The following CNTNAP2 variants were observed in gnomAD, a reference collection of about 807,000 sequenced individuals.
CNTNAP2 encodes the protein contactin associated protein 2, also known as contactin-associated protein-like 2.
A neutral mutation model predicts 155.2 loss-of-function variants in CNTNAP2; 98 were observed. The observed-to-expected ratio is 0.63, with a 90% CI of 0.54 to 0.75. CNTNAP2 has a LOEUF of 0.75. Among genes scored for constraint, CNTNAP2 ranks in the 30% least tolerant of loss-of-function variants. CNTNAP2 has a pLI of 0.00. For synonymous variants in CNTNAP2, 651 were observed against 631.2 expected (o/e 1.03, Z -0.47); for missense variants, 1,727 against 1,688.1 (o/e 1.02, Z -0.40).
chr7:146,545,586 G>A (rs779158675), intron 1 of CNTNAP2, among the ~76,000 whole-genome samples: 2 of 151,770 alleles, frequency 1.3e-5, no homozygotes, highest in Non-Finnish European at 2.9e-5. Context: ...GTGAGAACAC[G>A]CGGTGTTTGG....
chr7:146,990,294 A>G (rs867945810), intron 3 of CNTNAP2, among the ~76,000 whole-genome samples: 1 of 152,168 alleles, frequency 6.6e-6, no homozygotes, highest in South Asian at 2.1e-4. Context: ...GCTATGAGGT[A>G]TACACATGGA....
chr7:147,614,903 A>C (rs957208881), intron 12 of CNTNAP2, among the ~76,000 whole-genome samples: 1 of 151,806 alleles, frequency 6.6e-6, no homozygotes, highest in African/African-American at 2.4e-5. Flanking sequence ...ACATTAAACT[A>C]TCTTAGTCTA....
intron 1 of CNTNAP2, among the ~76,000 whole-genome samples, chr7:146,530,403 T>C (rs1319921224): frequency 6.6e-6 from 1 of 152,000 alleles, no homozygotes. Flanking sequence ...ACTAAAGATC[T>C]TTTATTCAGG....
At chr7:147,325,908 C>T (rs968525752) in intron 9 of CNTNAP2, among the ~76,000 whole-genome samples, 1 of 152,070 alleles carries the variant, frequency 6.6e-6, no homozygotes, top group Non-Finnish European at 1.5e-5. Context: ...CCTCCAGCCT[C>T]CACTAACCAG....
At chr7:147,287,843 T>C (rs1009633686) in intron 8 of CNTNAP2, among the ~76,000 whole-genome samples, 2 of 152,094 alleles carry the variant, frequency 1.3e-5, no homozygotes, top group Admixed American at 1.3e-4. Context: ...GACCCACCAG[T>C]TGTGCTTCCA....
chr7:147,560,658 A>G (rs534408461), intron 11 of CNTNAP2, among the ~76,000 whole-genome samples: 2 of 152,076 alleles, frequency 1.3e-5, no homozygotes, highest in East Asian at 3.9e-4. Flanking sequence ...AAGGTCTTCT[A>G]TCCGTGTTGT....
chr7:146,439,955 CT>C (rs763934213), intron 1 of CNTNAP2, among the ~76,000 whole-genome samples: 1 of 151,426 alleles, frequency 6.6e-6, no homozygotes, highest in Non-Finnish European at 1.5e-5. Flanking sequence ...GAAACCCTGT[CT>C]CTACTAAAAA....
intron 14 of CNTNAP2, among the ~76,000 whole-genome samples, chr7:147,938,011 A>G (rs1257671963): frequency 2.6e-5 from 4 of 152,100 alleles, no homozygotes; most frequent in African/African-American, 4.8e-5. Flanking sequence ...TATTGTTCCT[A>G]TTTCTCAGGT....
At position 147,258,766 on chromosome 7, in the gene CNTNAP2, G is replaced by T. The variant is rs113582127; in HGVS notation, c.1349-41375G>T. Among the ~76,000 whole-genome samples, 4 of 152,298 alleles carry T rather than the reference G, an allele frequency of 2.6e-5. 1 individual carries two copies. Among genetic ancestry groups the T allele is most frequent in the African/African-American group, 9.6e-5 (4 of 41,562 alleles). The stretch of plus-strand genomic sequence containing the variant: ...CCTAAACTTGCAGTTCTTGGTAACA[G>T]TTGTGAACATGAATTCCACGTCTAG... On this transcript the variant is annotated intron_variant, in intron 8 of 23. Coordinates refer to ENST00000361727, the MANE Select transcript of CNTNAP2 (RefSeq NM_014141.6).
intron 8 of CNTNAP2, among the ~76,000 whole-genome samples, chr7:147,235,779 C>T (rs1259829925): frequency 6.6e-6 from 1 of 152,132 alleles, no homozygotes; most frequent in African/African-American, 2.4e-5. Flanking sequence ...GTTCCAAAAT[C>T]ATCTTGTATT....
intron 1 of CNTNAP2, among the ~76,000 whole-genome samples, chr7:146,595,447 A>G (rs551070727): frequency 6.6e-6 from 1 of 152,238 alleles, no homozygotes; most frequent in Non-Finnish European, 1.5e-5. Flanking sequence ...GAGGAATATT[A>G]TATTTTCAGA....
At chr7:147,882,981 C>T (rs796589061) in intron 13 of CNTNAP2, among the ~76,000 whole-genome samples, 3 of 152,292 alleles carry the variant, frequency 2.0e-5, no homozygotes, top group African/African-American at 7.2e-5. Context: ...CAGCTACATA[C>T]AATTTTTAAA....
At chr7:147,672,997 T>C (rs1263002392) in intron 13 of CNTNAP2, 1 of 152,156 alleles carries the variant, frequency 6.6e-6, no homozygotes, top group Non-Finnish European at 1.5e-5. Context: ...ACAGCAACCA[T>C]TACTGGAGCA....
intron 13 of CNTNAP2, among the ~76,000 whole-genome samples, chr7:147,863,281 A>G (rs1212578644): frequency 6.6e-6 from 1 of 152,200 alleles, no homozygotes; most frequent in Non-Finnish European, 1.5e-5. Flanking sequence ...ATGACTGCGT[A>G]GTATTCCATG....
intron 15 of CNTNAP2, among the ~76,000 whole-genome samples, chr7:147,989,526 T>A (rs949812389): frequency 6.6e-6 from 1 of 152,208 alleles, no homozygotes; most frequent in African/African-American, 2.4e-5. Context: ...AGTGGCAGGC[T>A]TGATATCAGA....
intron 11 of CNTNAP2, among the ~76,000 whole-genome samples, chr7:147,560,987 G>T (rs950998416): frequency 6.6e-6 from 1 of 151,554 alleles, no homozygotes; most frequent in African/African-American, 2.4e-5. Context: ...TAGTGAATTT[G>T]ACTGGAGAAA....
intron 1 of CNTNAP2, among the ~76,000 whole-genome samples, chr7:146,278,938 G>A (rs1351978642): frequency 6.6e-6 from 1 of 152,130 alleles, no homozygotes; most frequent in Non-Finnish European, 1.5e-5. Flanking sequence ...ACATTAAGAA[G>A]TTGGTAGCCC....
chr7:146,763,515 A>G (rs2129184343), intron 1 of CNTNAP2, among the ~76,000 whole-genome samples: 1 of 152,266 alleles, frequency 6.6e-6, no homozygotes, highest in African/African-American at 2.4e-5. Flanking sequence ...CCCCAACTGT[A>G]GGCACTCTAT....
chr7:146,350,922 C>A (rs533212041), intron 1 of CNTNAP2, among the ~76,000 whole-genome samples: 11 of 151,118 alleles, frequency 7.3e-5, no homozygotes, highest in Admixed American at 6.0e-4. Context: ...AGCAAACTAT[C>A]GCAAGGACAA....
Sources: gnomAD v4.1 joint callset for allele counts (sites outside exome capture counted in the v4.1 genomes callset) on GRCh38, gnomAD v4.1.1 for gene constraint, MANE v1.5 for transcripts, NCBI Gene and HGNC (gene_info 2026-07-23, HGNC 2026-07-21) for gene names.